RAB11FIP2: variants seen among roughly 807,000 people sequenced by gnomAD.
RAB11FIP2 encodes RAB11 family interacting protein 2, also known as rab11 family-interacting protein 2.
A neutral mutation model predicts 40.9 loss-of-function variants in RAB11FIP2; 16 were observed. The ratio of observed to expected loss-of-function variants is 0.39; its 90% confidence interval spans 0.26 to 0.59. RAB11FIP2 has a LOEUF of 0.59. Ranked by LOEUF, RAB11FIP2 falls within the 20% of genes least tolerant of loss-of-function variation. RAB11FIP2 has a pLI of 0.53. For synonymous variants in RAB11FIP2, 228 were observed against 213.7 expected, an observed-to-expected ratio of 1.07 and a Z score of -0.58; for missense variants, 532 against 606.2, an observed-to-expected ratio of 0.88 and a Z score of 1.28.
chr10:118,041,492 G>A (rs1473326001), intron 1 of RAB11FIP2, among the ~76,000 whole-genome samples: 1 of 151,794 alleles, frequency 6.6e-6, no homozygotes, highest in African/African-American at 2.4e-5. Flanking sequence ...TCATTCTATG[G>A]GAAAACAGCC....
intron 3 of RAB11FIP2, chr10:118,018,011 G>C (rs1846241783): frequency 6.6e-6 from 1 of 152,216 alleles, no homozygotes; most frequent in African/African-American, 2.4e-5. Context: ...AGGGTTTGCA[G>C]TGCGGCAAGC....
Position 118,008,861 on chromosome 10 carries a change from T to C in RAB11FIP2, c.*137A>G. The stretch of plus-strand genomic sequence containing the variant: ...GATAGTCCCTGCTAATATTTACAGG[T>C]AAAACTACTCTTCACAATAAAGGAG... On this transcript the variant is annotated 3_prime_UTR_variant, in exon 5 of 5. Coordinates refer to ENST00000355624, the MANE Select transcript of RAB11FIP2 (RefSeq NM_014904.3). The C allele has an allele frequency of 1.4e-6, 1 of 700,518 alleles. No homozygotes were observed. The highest frequency in any genetic ancestry group is 2.4e-6 in the Non-Finnish European group (1 of 418,736). The allele number at this position is 700,518 out of a possible 1,614,324, so 43.4% of individuals were successfully genotyped here.
At position 118,006,086 on chromosome 10, in the gene RAB11FIP2, A is replaced by C. The variant is rs1454424908; in HGVS notation, c.*2912T>G. 1 of 152,546 alleles carries C rather than the reference A, an allele frequency of 6.6e-6. No individual in the cohort carries two copies. Among genetic ancestry groups the C allele is most frequent in the Non-Finnish European group, 1.5e-5 (1 of 68,014 alleles). 9.4% of individuals were successfully genotyped at this position (152,546 alleles called of 1,614,324 possible). ...TAGCAGCAAAAAGCAATACTTAAAA[A>C]CGTTTTTCATGAATGGGTTACATGT... On this transcript the variant is annotated 3_prime_UTR_variant, in exon 5 of 5. Transcript: ENST00000355624.
At chr10:118,038,292 AGATAT>A (rs1846507698) in intron 3 of RAB11FIP2, among the ~76,000 whole-genome samples, 1 of 151,190 alleles carries the variant, frequency 6.6e-6, no homozygotes, top group Non-Finnish European at 1.5e-5. Flanking sequence ...TTAGATATAT[AGATAT>A]AATTTAGATA....
At chr10:118,034,613 A>G (rs1846458646) in intron 3 of RAB11FIP2, among the ~76,000 whole-genome samples, 1 of 152,184 alleles carries the variant, frequency 6.6e-6, no homozygotes, top group African/African-American at 2.4e-5. Context: ...TGATAAACCA[A>G]ATGATAAATT....
At chr10:118,022,653 A>C (rs1846294679) in intron 3 of RAB11FIP2, among the ~76,000 whole-genome samples, 2 of 152,224 alleles carry the variant, frequency 1.3e-5, no homozygotes, top group African/African-American at 4.8e-5. Context: ...CTTTTCAAAT[A>C]TATGGTATAA....
At chr10:118,038,643 T>C (rs1193442348) in intron 3 of RAB11FIP2, among the ~76,000 whole-genome samples, 1 of 152,068 alleles carries the variant, frequency 6.6e-6, no homozygotes, top group Non-Finnish European at 1.5e-5. Flanking sequence ...CCTAAATTTC[T>C]GGCTTGAACT....
At chr10:118,027,618 C>T (rs568858536) in intron 3 of RAB11FIP2, among the ~76,000 whole-genome samples, 11 of 152,244 alleles carry the variant, frequency 7.2e-5, no homozygotes, top group African/African-American at 2.4e-4. Context: ...GCGGCACACC[C>T]GCTAATTGGC....
chr10:118,020,445 G>A (rs1846270070), intron 3 of RAB11FIP2, among the ~76,000 whole-genome samples: 1 of 152,170 alleles, frequency 6.6e-6, no homozygotes, highest in South Asian at 2.1e-4. Context: ...GCTCCACTCT[G>A]ACCCTCACTG....
Position 118,006,003 on chromosome 10 carries a change from A to T in RAB11FIP2, c.*2995T>A, listed in dbSNP as rs1846086653. On this transcript the variant is annotated 3_prime_UTR_variant, in exon 5 of 5. Coordinates refer to ENST00000355624, the MANE Select transcript of RAB11FIP2 (RefSeq NM_014904.3). ...AAAGCAATAGATGTAGTTATGTATA[A>T]TCTATAGATAATACTACATTCAGGG... 2.0e-5 allele frequency: 3 copies of T among 152,640 alleles called. No homozygotes were observed. In the South Asian group the frequency reaches 6.2e-4, roughly 32 times the overall value. 9.5% of individuals were successfully genotyped at this position (152,640 alleles called of 1,614,324 possible). A position where few individuals can be genotyped will look rare whatever the true frequency, so the allele number is the denominator to read the frequency against.
At chr10:118,010,138 C>T (rs1846138986) in intron 4 of RAB11FIP2, among the ~76,000 whole-genome samples, 1 of 152,042 alleles carries the variant, frequency 6.6e-6, no homozygotes. Flanking sequence ...TTAATCAAGG[C>T]CCTGTAACAT....
chr10:118,037,707 G>A (rs1209749524), intron 3 of RAB11FIP2, among the ~76,000 whole-genome samples: 4 of 151,956 alleles, frequency 2.6e-5, no homozygotes, highest in African/African-American at 9.7e-5. Flanking sequence ...TCCCATTCAG[G>A]TCTGTACACT....
At chr10:118,027,302 T>C (rs1323269972) in intron 3 of RAB11FIP2, among the ~76,000 whole-genome samples, 2 of 152,234 alleles carry the variant, frequency 1.3e-5, no homozygotes, top group African/African-American at 4.8e-5. Context: ...CTCTTAATAC[T>C]TATCCTATAC....
chr10:118,026,378 A>G (rs546374557), intron 3 of RAB11FIP2, among the ~76,000 whole-genome samples: 1 of 152,338 alleles, frequency 6.6e-6, no homozygotes, highest in Admixed American at 6.5e-5. Context: ...TATTTCTGAT[A>G]TATTAAAGAA....
chr10:118,040,213 T>C lies in RAB11FIP2; in HGVS notation c.706A>G (p.Met236Val). 3 of 1,613,768 alleles carry C rather than the reference T, an allele frequency of 1.9e-6. No homozygotes were observed. Among genetic ancestry groups the C allele is most frequent in the South Asian group, 1.1e-5 (1 of 91,060 alleles). The change falls in exon 2 of 5, where the codon ATG becomes GTG. Residue 236 changes from methionine (M) to valine (V), a missense_variant. By Grantham distance (21) the Met-to-Val change is conservative. Coordinates refer to ENST00000355624, the MANE Select transcript of RAB11FIP2 (RefSeq NM_014904.3). ...CCAGCCTTCAGTTTCTCAGAAGACATATGGGACCCAGATAAATCAGACATT... is the reference window on the plus strand; with the variant it reads ...CCAGCCTTCAGTTTCTCAGAAGACACATGGGACCCAGATAAATCAGACATT... Reference protein sequence around the residue: ...HSMSDLSGSHMSSEKLKAGTI... With the variant: ...HSMSDLSGSHVSSEKLKAGTI...
At chr10:118,010,269 T>G (rs901544267) in intron 4 of RAB11FIP2, among the ~76,000 whole-genome samples, 4 of 152,166 alleles carry the variant, frequency 2.6e-5, no homozygotes, top group Non-Finnish European at 4.4e-5. Flanking sequence ...GCCCAACAAT[T>G]TAAAATAATT....
Position 118,014,658 on chromosome 10 carries a change from T to C in RAB11FIP2, c.1311+407A>G, listed in dbSNP as rs144647452. Among the ~76,000 whole-genome samples, 9 of 152,286 alleles carry C rather than the reference T, an allele frequency of 5.9e-5. No homozygotes were observed. In the East Asian group the frequency reaches 9.6e-4, roughly 16 times the overall value. ...CTCCTGCCAGGATGCTTTTCTATTG[T>C]TGAATGTTAACAAGCAGCTTTATTC... On this transcript the variant is annotated intron_variant, in intron 4 of 4. Transcript: ENST00000355624.
intron 3 of RAB11FIP2, among the ~76,000 whole-genome samples, chr10:118,032,082 A>G (rs1180700981): frequency 6.6e-6 from 1 of 152,030 alleles, no homozygotes; most frequent in Non-Finnish European, 1.5e-5. Flanking sequence ...AATTTTCTCT[A>G]ACAGACAGAA....
In RAB11FIP2 at chr10:118,016,048, A is replaced by G. The variant is rs184238338; in HGVS notation, c.1266-938T>C. ...TTTAAAACTTTTGATTGTGTGACAA[A>G]AAGTCTGGACACTGGATATAATGTT... On this transcript the variant is annotated intron_variant, in intron 3 of 4. Transcript: ENST00000355624. Among the ~76,000 whole-genome samples the G allele has an allele frequency of 3.3e-5, 5 of 152,356 alleles. No homozygotes were observed. In the East Asian group the frequency reaches 9.6e-4, roughly 29 times the overall value.
Sources: gnomAD v4.1 joint callset for allele counts (sites outside exome capture counted in the v4.1 genomes callset) on GRCh38, gnomAD v4.1.1 for gene constraint, MANE v1.5 for transcripts, NCBI Gene and HGNC (gene_info 2026-07-23, HGNC 2026-07-21) for gene names.